The following NTN5 variants were observed in gnomAD, a reference collection of about 807,000 sequenced individuals.
NTN5 encodes the protein netrin-5.
In NTN5, 42 loss-of-function variants were observed where a neutral mutation model predicts 38.7. That is an observed-to-expected ratio of 1.08 (90% CI 0.85 to 1.40). The LOEUF is 1.40. Ranked by LOEUF, NTN5 falls within the 40% of genes most tolerant of loss-of-function variation. NTN5 has a pLI of 0.00. For synonymous variants in NTN5, 329 were observed against 303.9 expected (o/e 1.08, Z -0.86); for missense variants, 658 against 716.5 (o/e 0.92, Z 0.93).
chr19:48,662,162 G>T, intron 6 of NTN5, 121 bp from the exon 7 acceptor site: 1 of 1,077,522 alleles, frequency 9.3e-7, no homozygotes, highest in Non-Finnish European at 1.2e-6. Flanking sequence ...TGGTATCGCA[G>T]TGGGGAGAGA....
chr19:48,663,081 G>A (rs913174044), intron 6 of NTN5: 3 of 397,804 alleles, frequency 7.5e-6, no homozygotes, highest in African/African-American at 4.1e-5. Flanking sequence ...GGGAAGTGGG[G>A]CTAAGGCTCA....
In NTN5 at chr19:48,670,589, A is replaced by C; in HGVS notation, c.398T>G (p.Val133Gly). The C allele has an allele frequency of 6.3e-7, 1 of 1,580,828 alleles. No homozygotes were observed. The highest frequency in any genetic ancestry group is 8.6e-7 in the Non-Finnish European group (1 of 1,163,826). The change falls in exon 2 of 7, where the codon GTG becomes GGG. Residue 133 changes from valine to glycine, a missense_variant. Coordinates refer to ENST00000270235, the MANE Select transcript of NTN5 (RefSeq NM_145807.4). ...FHSTPGPKAT[V>G]AASHLRVEFG... ...CTCCACACGGAGGTGGCTGGCCGCC[A>C]CAGTGGCCTTAGGACCTGGTGTGGA...
intron 3 of NTN5, 93 bp from the exon 4 acceptor site, chr19:48,664,385 C>T (rs530605400): frequency 7.0e-5 from 103 of 1,477,856 alleles, no homozygotes; most frequent in African/African-American, 2.2e-4. Flanking sequence ...CTGGGGAGTC[C>T]AGGCCCCCAG....
intron 2 of NTN5, among the ~76,000 whole-genome samples, chr19:48,669,746 C>A (rs1319644102): frequency 7.8e-6 from 1 of 128,040 alleles, no homozygotes; most frequent in Non-Finnish European, 1.6e-5. Flanking sequence ...CCATCACCAC[C>A]ACCATCACCA....
chr19:48,669,885 TCACCATCACCACCACCATCAC>T lies in NTN5; in HGVS notation c.631+450_631+470del, dbSNP rs1601213646. The stretch of plus-strand genomic sequence containing the variant: ...ACCATCACCATCATCACCACTACCA[TCACCATCACCACCACCATCAC>T]CACCACCACCATCACCATCATCACC... On this transcript the variant is annotated intron_variant, in intron 2 of 6. Coordinates refer to ENST00000270235, the MANE Select transcript of NTN5 (RefSeq NM_145807.4). Among the ~76,000 whole-genome samples, 6 of 69,316 alleles carry T rather than the reference TCACCATCACCACCACCATCAC, an allele frequency of 8.7e-5. No homozygotes were observed. In the East Asian group the frequency reaches 3.0e-3, roughly 35 times the overall value. 45.5% of individuals were successfully genotyped at this position (69,316 alleles called of 152,430 possible). A position where few individuals can be genotyped will look rare whatever the true frequency, so the allele number is the denominator to read the frequency against.
chr19:48,663,503 C>T lies in NTN5; in HGVS notation c.1065G>A (p.Arg355=). 4 of 1,614,170 alleles carry T rather than the reference C, an allele frequency of 2.5e-6. No individual in the cohort carries two copies. The highest frequency in any genetic ancestry group is 3.4e-6 in the Non-Finnish European group (4 of 1,180,010). ...AGTACCTCCGAAGGCTCATGTGTAC[C>T]CTGGTGTCCGACATATTGCAGTAGT... is the stretch of plus-strand genomic sequence containing the variant. ...CQNYCNMSDT[R]VHMSLRRYCQ... The change falls in exon 6 of 7, where the codon AGG becomes AGA. Residue 355 remains arginine, a synonymous_variant. Coordinates refer to ENST00000270235, the MANE Select transcript of NTN5 (RefSeq NM_145807.4).
Sources: allele counts gnomAD v4.1 joint callset (sites outside exome capture counted in the v4.1 genomes callset), GRCh38; gene constraint gnomAD v4.1.1; transcripts MANE v1.5; gene names NCBI Gene and HGNC (gene_info 2026-07-23, HGNC 2026-07-21).